CFAP46: variants seen among roughly 807,000 people sequenced by gnomAD.
The protein encoded by CFAP46 is cilia- and flagella-associated protein 46.
A neutral mutation model predicts 325.7 loss-of-function variants in CFAP46; 245 were observed. The ratio of observed to expected loss-of-function variants is 0.75; its 90% confidence interval spans 0.68 to 0.84. The LOEUF (loss-of-function observed/expected upper bound fraction) is 0.84. Among genes scored for constraint, CFAP46 ranks in the 40% least tolerant of loss-of-function variants. The pLI is 0.00. For missense variants in CFAP46, 3,346 were observed against 3,543.0 expected, an observed-to-expected ratio of 0.94 and a Z score of 1.41; for synonymous variants, 1,523 against 1,495.9, an observed-to-expected ratio of 1.02 and a Z score of -0.42.
intron 9 of CFAP46, among the ~76,000 whole-genome samples, chr10:132,926,894 C>T (rs1049970300): frequency 6.6e-6 from 1 of 152,234 alleles, no homozygotes; most frequent in Non-Finnish European, 1.5e-5. Context: ...GAGAGCGGCA[C>T]GGGAGGGTCC....
intron 37 of CFAP46, among the ~76,000 whole-genome samples, chr10:132,860,002 C>T (rs1848700203): frequency 1.3e-5 from 2 of 152,348 alleles, no homozygotes; most frequent in East Asian, 3.9e-4. Context: ...TTGCGGTGAG[C>T]TGAGATTGCA....
chr10:132,847,011 G>C lies in CFAP46; in HGVS notation c.6188C>G (p.Ala2063Gly). The C allele has an allele frequency of 6.2e-7, 1 of 1,610,548 alleles. No individual in the cohort carries two copies. The highest frequency in any genetic ancestry group is 8.5e-7 in the Non-Finnish European group (1 of 1,179,550). The part of the protein sequence containing the change: ...ALGSGLLDVA[A>G]AASLEMVECV... ...CTCCACCATCTCCAGGCTGGCGGCT[G>C]CTGCGACATCCAGGAGGCCACTGCC... is the stretch of plus-strand genomic sequence containing the variant. Residue 2063 changes from alanine (A) to glycine (G), a missense_variant, in exon 43 of 58, where the codon GCA becomes GGA. Coordinates refer to ENST00000368586, the MANE Select transcript of CFAP46 (RefSeq NM_001200049.3). This position sits in a 1 kb window ranked among gnomAD's most constrained non-coding sequence, Gnocchi z 5.2.
intron 50 of CFAP46, among the ~76,000 whole-genome samples, chr10:132,816,328 CTTTTTTTTT>C (rs1008391673): frequency 4.2e-5 from 5 of 118,858 alleles, no homozygotes; most frequent in Admixed American, 8.7e-5. Flanking sequence ...CTGACTTCTT[CTTTTTTTTT>C]TTTTTTTTTT....
chr10:132,910,176 G>A (rs969056167), intron 19 of CFAP46, 108 bp from the exon 20 acceptor site: 59 of 1,129,878 alleles, frequency 5.2e-5, no homozygotes, highest in African/African-American at 1.3e-4. Context: ...GATCCAGCCC[G>A]TGAAGGGCCT....
At chr10:132,910,397 G>T (rs1323062400) in intron 19 of CFAP46, among the ~76,000 whole-genome samples, 2 of 152,228 alleles carry the variant, frequency 1.3e-5, no homozygotes, top group Non-Finnish European at 2.9e-5. Context: ...ATCGGTTGGG[G>T]GTGGGGCAGC....
intron 39 of CFAP46, among the ~76,000 whole-genome samples, chr10:132,852,958 C>G (rs1489543835): frequency 1.3e-5 from 2 of 152,200 alleles, no homozygotes; most frequent in African/African-American, 4.8e-5. Context: ...TGGTGGATTG[C>G]ATAGGACTGT....
intron 8 of CFAP46, among the ~76,000 whole-genome samples, chr10:132,933,019 A>C (rs1159613597): frequency 2.6e-5 from 4 of 152,182 alleles, no homozygotes; most frequent in African/African-American, 9.7e-5. Context: ...GCAGGTCTAC[A>C]TGTCTTCTGC....
chr10:132,895,744 T>C (rs1476948472), intron 24 of CFAP46, among the ~76,000 whole-genome samples: 1 of 152,220 alleles, frequency 6.6e-6, no homozygotes, highest in African/African-American at 2.4e-5. Context: ...CCAAAATTCA[T>C]ATCCTGAGAC....
intron 28 of CFAP46, among the ~76,000 whole-genome samples, chr10:132,879,961 CAG>C (rs901601082): frequency 6.6e-6 from 1 of 152,152 alleles, no homozygotes; most frequent in Non-Finnish European, 1.5e-5. Context: ...GTTCCTGTCC[CAG>C]ACTGTCCCAA....
rs370178549 is a variant in CFAP46, at chr10:132,811,036, C to T, written c.7502-5G>A. ...GCAGGACTGCCACCTGGCACTCTGC[C>T]GGGACGGGAAGGGCAGCTCAGCAGC... On this transcript the variant is annotated splice_polypyrimidine_tract_variant and splice_region_variant and intron_variant, in intron 55 of 57. Coordinates refer to ENST00000368586, the MANE Select transcript of CFAP46 (RefSeq NM_001200049.3). 3.3e-5 allele frequency: 53 copies of T among 1,584,404 alleles called. No individual in the cohort carries two copies. Among genetic ancestry groups the T allele is most frequent in the Admixed American group, 5.3e-5 (3 of 56,706 alleles).
chr10:132,920,276 G>A, intron 13 of CFAP46, 94 bp from the exon 14 acceptor site: 2 of 1,394,910 alleles, frequency 1.4e-6, no homozygotes, highest in East Asian at 2.7e-5. Flanking sequence ...CGGCGCCGGG[G>A]TGGCCACCCA....
chr10:132,874,828 C>G (rs925775089), intron 31 of CFAP46, among the ~76,000 whole-genome samples: 11 of 152,142 alleles, frequency 7.2e-5, no homozygotes, highest in African/African-American at 2.7e-4. Flanking sequence ...GAGTAAAATG[C>G]TGGAAACTTT....
In CFAP46 at chr10:132,885,092, C is replaced by T. The variant is rs772884630; in HGVS notation, c.3627+11G>A. The stretch of plus-strand genomic sequence containing the variant: ...ATTTTACCACGTGCACCCACGCTTA[C>T]GGCTTCACACCTGCAAGGCCTGGAT... On this transcript the variant is annotated intron_variant, in intron 27 of 57. Transcript: ENST00000368586. 4.1e-5 allele frequency: 63 copies of T among 1,538,194 alleles called. No homozygotes were observed. Among genetic ancestry groups the T allele is most frequent in the Admixed American group, 1.0e-4 (5 of 50,118 alleles).
chr10:132,929,215 CTAA>C lies in CFAP46; in HGVS notation c.966+487_966+489del, dbSNP rs373134955. 286 of 432,256 alleles carry C rather than the reference CTAA, an allele frequency of 6.6e-4. 3 individuals carry two copies. In the East Asian group the frequency reaches 8.8e-3, roughly 13 times the overall value. The allele number at this position is 432,256 out of a possible 1,614,324, so 26.8% of individuals were successfully genotyped here. ...CACAATAAGATATTTATAACAATAACTAATAATAAGATACAATCATAACACTAT... is the reference window on the plus strand; with the variant it reads ...CACAATAAGATATTTATAACAATAACTAATAAGATACAATCATAACACTAT... On this transcript the variant is annotated intron_variant, in intron 9 of 57. Coordinates refer to ENST00000368586, the MANE Select transcript of CFAP46 (RefSeq NM_001200049.3).
At chr10:132,834,595 G>A in intron 48 of CFAP46, 59 bp downstream of exon 48, 1 of 1,596,106 alleles carries the variant, frequency 6.3e-7, no homozygotes. Flanking sequence ...CACAGCACTG[G>A]ACACACGTGT....
rs972701761 is a variant in CFAP46 at position 132,919,514 on chromosome 10, G to A, written c.1731-72C>T. On this transcript the variant is annotated intron_variant, in intron 14 of 57. Coordinates refer to ENST00000368586, the MANE Select transcript of CFAP46 (RefSeq NM_001200049.3). The surrounding 1 kb of genome is among the most constrained non-coding windows in gnomAD (Gnocchi z 9.7). ...GGTTGCTGAAGTTAGAAAACACCTG[G>A]GCTGGCTGCCTGAGAAAAGGCCACT... The A allele has an allele frequency of 1.3e-6, 2 of 1,486,162 alleles. No individual in the cohort carries two copies. Among genetic ancestry groups the A allele is most frequent in the African/African-American group, 2.8e-5 (2 of 70,602 alleles). 92.1% of individuals were successfully genotyped at this position (1,486,162 alleles called of 1,614,324 possible). A position where few individuals can be genotyped will look rare whatever the true frequency, so the allele number is the denominator to read the frequency against.
rs944015504 is a variant in CFAP46 at position 132,913,298 on chromosome 10, C to T, written c.2121-40G>A. The T allele has an allele frequency of 2.6e-6, 4 of 1,526,844 alleles. No homozygotes were observed. In the Admixed American group the frequency reaches 5.9e-5, roughly 23 times the overall value. 94.6% of individuals were successfully genotyped at this position (1,526,844 alleles called of 1,614,324 possible). On this transcript the variant is annotated intron_variant, in intron 17 of 57. Transcript: ENST00000368586. ...CCACCAAGCCCTTAATGCAGGGTCCCCAGCCCCGGGGCCAGGCACCAGGAA... is the reference window on the plus strand; with the variant it reads ...CCACCAAGCCCTTAATGCAGGGTCCTCAGCCCCGGGGCCAGGCACCAGGAA...
intron 22 of CFAP46, among the ~76,000 whole-genome samples, chr10:132,905,371 G>C (rs146586185): frequency 6.6e-6 from 1 of 151,184 alleles, no homozygotes; most frequent in East Asian, 1.9e-4. Flanking sequence ...AGCTCTCTCC[G>C]CACAGCGTCC....
At chr10:132,924,975 C>T (rs776973123) in intron 10 of CFAP46, 89 bp from the exon 11 acceptor site, 79 of 1,104,406 alleles carry the variant, frequency 7.2e-5, no homozygotes, top group Admixed American at 1.2e-4. Flanking sequence ...ACACTGAGAA[C>T]GCAGGCCCTA....
Sources: gnomAD v4.1 joint callset for allele counts (sites outside exome capture counted in the v4.1 genomes callset) on GRCh38, gnomAD v4.1.1 for gene constraint, Gnocchi (gnomAD v3.1) non-coding constraint, MANE v1.5 for transcripts, NCBI Gene and HGNC (gene_info 2026-07-23, HGNC 2026-07-21) for gene names.